KCNK2: variants seen among roughly 807,000 people sequenced by gnomAD.
The protein encoded by KCNK2 is potassium two pore domain channel subfamily K member 2.
KCNK2 carries 21 observed loss-of-function variants against 40.5 expected under a neutral mutation model. The ratio of observed to expected loss-of-function variants is 0.52; its 90% CI spans 0.37 to 0.75. The LOEUF is 0.75. KCNK2 is among the 30% of genes least tolerant of loss of function. The pLI is 0.00. For synonymous variants in KCNK2, 191 were observed against 202.2 expected (o/e 0.94, Z 0.47); for missense variants, 399 against 531.6 (o/e 0.75, Z 2.45).
At chr1:215,221,300 G>C (rs1454168231) in intron 6 of KCNK2, among the ~76,000 whole-genome samples, 1 of 152,164 alleles carries the variant, frequency 6.6e-6, no homozygotes, top group African/African-American at 2.4e-5. Context: ...CTTGAACTGG[G>C]GAAGCGGAGG....
intron 1 of KCNK2, among the ~76,000 whole-genome samples, chr1:215,007,089 A>ATATATATGTGTG: frequency 1.3e-5 from 1 of 74,886 alleles, no homozygotes; most frequent in South Asian, 3.9e-4. Flanking sequence ...ATATGTGTGT[A>ATATATATGTGTG]TATATATATG....
intron 6 of KCNK2, among the ~76,000 whole-genome samples, chr1:215,232,197 T>C (rs1343574116): frequency 6.6e-6 from 1 of 152,184 alleles, no homozygotes; most frequent in Non-Finnish European, 1.5e-5. Context: ...ATCCAAATGT[T>C]CATCAATAGG....
chr1:215,081,599 A>G (rs776016569), upstream of KCNK2, among the ~76,000 whole-genome samples: 1 of 151,986 alleles, frequency 6.6e-6, no homozygotes, highest in Non-Finnish European at 1.5e-5. Flanking sequence ...TTCCCCTACA[A>G]TTACGTCTAT....
chr1:215,169,115 T>C, intron 3 of KCNK2, 84 bp from the exon 4 acceptor site: 1 of 1,085,910 alleles, frequency 9.2e-7, no homozygotes, highest in Non-Finnish European at 1.3e-6. Flanking sequence ...TATCTTGCAA[T>C]TTTTTGGAGT....
chr1:215,171,561 T>C (rs1358481940), intron 4 of KCNK2, among the ~76,000 whole-genome samples: 1 of 152,146 alleles, frequency 6.6e-6, no homozygotes, highest in African/African-American at 2.4e-5. Context: ...TGTCTCCATT[T>C]TCATATGGTT....
chr1:215,180,063 A>T (rs1664161550), intron 5 of KCNK2, among the ~76,000 whole-genome samples: 1 of 152,146 alleles, frequency 6.6e-6, no homozygotes, highest in Non-Finnish European at 1.5e-5. Context: ...ATAAATATTT[A>T]GGATAGTTAA....
intron 6 of KCNK2, among the ~76,000 whole-genome samples, chr1:215,210,604 G>A (rs1214200634): frequency 1.3e-5 from 2 of 152,044 alleles, no homozygotes; most frequent in African/African-American, 4.8e-5. Flanking sequence ...TCTATGATGT[G>A]TCAGGCATTT....
At chr1:215,112,726 C>T (rs1660747487) in intron 2 of KCNK2, among the ~76,000 whole-genome samples, 1 of 152,094 alleles carries the variant, frequency 6.6e-6, no homozygotes, top group African/African-American at 2.4e-5. Flanking sequence ...TGCTTAGATA[C>T]ACAAATACCA....
At chr1:215,071,243 C>T (rs570532527) in intron 1 of KCNK2, among the ~76,000 whole-genome samples, 14 of 152,242 alleles carry the variant, frequency 9.2e-5, no homozygotes, top group Non-Finnish European at 1.8e-4. Flanking sequence ...CTCAAGGTCT[C>T]AGAGAAGCTT....
chr1:215,181,008 A>AT (rs1466734780), intron 5 of KCNK2, among the ~76,000 whole-genome samples: 1 of 151,930 alleles, frequency 6.6e-6, no homozygotes, highest in Non-Finnish European at 1.5e-5. Flanking sequence ...ATTTTTTTAG[A>AT]TTTTGCCACT....
intron 1 of KCNK2, among the ~76,000 whole-genome samples, chr1:215,012,984 C>CT (rs1212634824): frequency 6.6e-6 from 1 of 151,802 alleles, no homozygotes; most frequent in Non-Finnish European, 1.5e-5. Flanking sequence ...TTTGTGTTTT[C>CT]TTTTTTCAGA....
At chr1:215,146,439 G>A (rs1339723240) in intron 3 of KCNK2, among the ~76,000 whole-genome samples, 1 of 152,174 alleles carries the variant, frequency 6.6e-6, no homozygotes, top group Non-Finnish European at 1.5e-5. Context: ...TAGCAAGGGA[G>A]CCATCTTGTG....
intron 1 of KCNK2, chr1:215,083,643 G>A: frequency 3.3e-6 from 2 of 605,008 alleles, no homozygotes; most frequent in South Asian, 3.9e-5. Context: ...GCCGGTGCCC[G>A]GGGTTTTTGC....
chr1:215,099,112 C>T (rs1020802309), intron 2 of KCNK2, among the ~76,000 whole-genome samples: 3 of 151,896 alleles, frequency 2.0e-5, no homozygotes, highest in African/African-American at 7.2e-5. Flanking sequence ...TTTTATCGCT[C>T]AGGTATTAAG....
At chr1:215,148,751 A>G (rs1317744653) in intron 3 of KCNK2, among the ~76,000 whole-genome samples, 1 of 152,176 alleles carries the variant, frequency 6.6e-6, no homozygotes, top group Non-Finnish European at 1.5e-5. Flanking sequence ...GAAAAGTACT[A>G]TGTATGTTGA....
intron 6 of KCNK2, among the ~76,000 whole-genome samples, chr1:215,227,121 T>G (rs887382791): frequency 3.9e-5 from 6 of 152,232 alleles, no homozygotes. Context: ...ATTCTAACTA[T>G]GTACACTCTT....
rs1379864690 is a variant in KCNK2, at chr1:215,147,158, AT to A, written c.476-22039del. 3.3e-5 allele frequency among the ~76,000 whole-genome samples: 5 copies of A among 152,092 alleles called. 1 individual carries two copies. Among genetic ancestry groups the A allele is most frequent in the African/African-American group, 1.2e-4 (5 of 41,426 alleles). ...TGTATGGGTCTTCTTTTTAATTTTT[AT>A]TCATTTTTTTTCCTACAGAGCCTCA... On this transcript the variant is annotated intron_variant, in intron 3 of 6. Transcript: ENST00000444842.
At chr1:215,219,996 T>A (rs534078547) in intron 6 of KCNK2, among the ~76,000 whole-genome samples, 1 of 152,334 alleles carries the variant, frequency 6.6e-6, no homozygotes, top group South Asian at 2.1e-4. Context: ...CAAGGTGCCA[T>A]GATTTCTTTT....
chr1:215,112,184 G>A (rs1660722733), intron 2 of KCNK2, among the ~76,000 whole-genome samples: 1 of 151,962 alleles, frequency 6.6e-6, no homozygotes. Flanking sequence ...TCTGCTTGCT[G>A]GACATATGTT....
Sources: allele counts gnomAD v4.1 joint callset (sites outside exome capture counted in the v4.1 genomes callset), GRCh38; gene constraint gnomAD v4.1.1; transcripts MANE v1.5; gene names NCBI Gene and HGNC (gene_info 2026-07-23, HGNC 2026-07-21).